SAMD4A: variants seen among roughly 807,000 people sequenced by gnomAD.
The protein encoded by SAMD4A is protein Smaug homolog 1.
SAMD4A carries 33 observed loss-of-function variants against 81.3 expected under a neutral mutation model. The observed-to-expected ratio is 0.41, with a 90% CI of 0.31 to 0.54. The LOEUF is 0.54. SAMD4A is among the 20% of genes least tolerant of loss of function. The pLI is 0.37. For missense variants in SAMD4A, 854 were observed against 951.1 expected (o/e 0.90, Z 1.34); for synonymous variants, 389 against 382.1 (o/e 1.02, Z -0.21).
chr14:54,627,077 A>C (rs2147535), intron 2 of SAMD4A, among the ~76,000 whole-genome samples: 109,920 of 152,016 alleles, frequency 0.72, 39,937 homozygotes, highest in East Asian at 0.87. Flanking sequence ...ATTTCCTTAA[A>C]AATTCGGAAA....
chr14:54,587,519 A>T (rs1469616039), intron 2 of SAMD4A, among the ~76,000 whole-genome samples: 4 of 152,162 alleles, frequency 2.6e-5, no homozygotes, highest in Admixed American at 2.0e-4. Context: ...CTCAAGGGGA[A>T]TGCTTCAGCT....
chr14:54,586,509 A>G (rs1566533967), intron 2 of SAMD4A, among the ~76,000 whole-genome samples: 1 of 152,214 alleles, frequency 6.6e-6, no homozygotes, highest in Non-Finnish European at 1.5e-5. Context: ...ACCTAAGCCA[A>G]TATCTAGAAG....
intron 2 of SAMD4A, among the ~76,000 whole-genome samples, chr14:54,624,608 G>A (rs1318916471): frequency 1.3e-5 from 2 of 152,238 alleles, no homozygotes; most frequent in Non-Finnish European, 2.9e-5. Context: ...AGTAAATGCT[G>A]TCTCCTCTCT....
At chr14:54,646,036 T>C (rs2035280096) in intron 2 of SAMD4A, among the ~76,000 whole-genome samples, 3 of 152,374 alleles carry the variant, frequency 2.0e-5, no homozygotes, top group African/African-American at 7.2e-5. Context: ...TCAATAACTC[T>C]TCCTATGGAG....
At chr14:54,636,638 C>T (rs557505426) in intron 2 of SAMD4A, among the ~76,000 whole-genome samples, 21 of 152,222 alleles carry the variant, frequency 1.4e-4, no homozygotes, top group Non-Finnish European at 2.6e-4. Context: ...AGTGGTCGTG[C>T]TCTGAATATA....
In SAMD4A at chr14:54,607,750, G is replaced by A. The variant is rs190263411; in HGVS notation, c.196+39638G>A. ...ATTACAGGCGTGAGCCACCGCGCCC[G>A]GCCTCAAGGTCTTATTTTAATGGCT... On this transcript the variant is annotated intron_variant, in intron 2 of 12. Coordinates refer to ENST00000554335, the MANE Select transcript of SAMD4A (RefSeq NM_015589.6). 4.7e-3 allele frequency among the ~76,000 whole-genome samples: 719 copies of A among 152,100 alleles called. 7 individuals are homozygous for A. The highest frequency in any genetic ancestry group is 0.01 in the Middle Eastern group (3 of 294).
intron 2 of SAMD4A, among the ~76,000 whole-genome samples, chr14:54,581,487 G>T (rs922738420): frequency 2.0e-5 from 3 of 152,240 alleles, no homozygotes; most frequent in African/African-American, 7.2e-5. Context: ...CCACAGGCTG[G>T]ACTGTCTATA....
Position 54,736,580 on chromosome 14 carries a change from G to A in SAMD4A, c.716-444G>A, listed in dbSNP as rs571559123. 7.9e-5 allele frequency among the ~76,000 whole-genome samples: 12 copies of A among 152,354 alleles called. No homozygotes were observed. The South Asian group carries it at 2.5e-3, about 32-fold the overall frequency. Reference sequence around the variant, plus strand: ...AATGGCCAGCCCGGCTGCCCTTCAAGATGTCCTCCTGAACAACATGGGTAA... The same window carrying A: ...AATGGCCAGCCCGGCTGCCCTTCAAAATGTCCTCCTGAACAACATGGGTAA... On this transcript the variant is annotated intron_variant, in intron 3 of 12. Coordinates refer to ENST00000554335, the MANE Select transcript of SAMD4A (RefSeq NM_015589.6).
chr14:54,692,564 G>C (rs149139988), intron 2 of SAMD4A, among the ~76,000 whole-genome samples: 1 of 152,300 alleles, frequency 6.6e-6, no homozygotes, highest in Admixed American at 6.5e-5. Context: ...TCCTTTGCAA[G>C]GTCAGCATGA....
At position 54,698,439 on chromosome 14, in the gene SAMD4A, T is replaced by C. The variant is rs548356360; in HGVS notation, c.197-3623T>C. 1.3e-4 allele frequency among the ~76,000 whole-genome samples: 20 copies of C among 152,330 alleles called. 1 individual carries two copies. The East Asian group carries it at 3.9e-3, about 29-fold the overall frequency. The stretch of plus-strand genomic sequence containing the variant: ...GCCTACCTCCATTCTGCCACTTCAC[T>C]AGCAGGGGGCTGGGGGCAAGTAACT... On this transcript the variant is annotated intron_variant, in intron 2 of 12. Transcript: ENST00000554335.
At chr14:54,605,608 C>T (rs1185972380) in intron 2 of SAMD4A, among the ~76,000 whole-genome samples, 4 of 152,078 alleles carry the variant, frequency 2.6e-5, no homozygotes, top group African/African-American at 4.8e-5. Flanking sequence ...TGTCAAAATG[C>T]CCATCCTGCT....
chr14:54,710,094 T>C (rs567470525), intron 3 of SAMD4A, among the ~76,000 whole-genome samples: 3 of 152,328 alleles, frequency 2.0e-5, no homozygotes, highest in African/African-American at 7.2e-5. Context: ...GAAAGCATGC[T>C]GGCCTTTGTT....
chr14:54,759,481 C>T (rs913418773), intron 6 of SAMD4A, among the ~76,000 whole-genome samples: 2 of 152,210 alleles, frequency 1.3e-5, no homozygotes, highest in African/African-American at 2.4e-5. Flanking sequence ...GGAGCTTCCC[C>T]TCATAGCAGC....
At chr14:54,748,487 A>G (rs1198310476) in intron 4 of SAMD4A, among the ~76,000 whole-genome samples, 2 of 152,144 alleles carry the variant, frequency 1.3e-5, no homozygotes, top group Non-Finnish European at 2.9e-5. Context: ...GAAGCTATGG[A>G]TGGCCCTCTG....
At chr14:54,621,454 A>G (rs1261490089) in intron 2 of SAMD4A, among the ~76,000 whole-genome samples, 1 of 151,776 alleles carries the variant, frequency 6.6e-6, no homozygotes, top group Non-Finnish European at 1.5e-5. Context: ...GGCTGAAGTG[A>G]TTCTCCCACC....
At chr14:54,717,214 G>A (rs997678079) in intron 3 of SAMD4A, among the ~76,000 whole-genome samples, 6 of 152,092 alleles carry the variant, frequency 3.9e-5, no homozygotes, top group African/African-American at 1.4e-4. Flanking sequence ...GCCGAGCGGG[G>A]AGGATTGCCT....
intron 3 of SAMD4A, among the ~76,000 whole-genome samples, chr14:54,725,332 A>G (rs1034896314): frequency 6.6e-6 from 1 of 152,248 alleles, no homozygotes; most frequent in Non-Finnish European, 1.5e-5. Flanking sequence ...TAAAATACAC[A>G]TGAAATGTGG....
chr14:54,789,195 A>T lies in SAMD4A; in HGVS notation c.*251A>T. On this transcript the variant is annotated 3_prime_UTR_variant, in exon 13 of 13. Transcript: ENST00000554335. ...GTGTGTGGGGTGGGGAGGGGTCTCT[A>T]GGGAATTATGAGACTGGGAGGGGGG... 247 of 331,568 alleles carry T rather than the reference A, an allele frequency of 7.4e-4. No individual in the cohort carries two copies. The highest frequency in any genetic ancestry group is 3.9e-3 in the Middle Eastern group (4 of 1,024). The allele number at this position is 331,568 out of a possible 1,614,324, so 20.5% of individuals were successfully genotyped here.
At chr14:54,764,074 G>A (rs191396401) in intron 7 of SAMD4A, among the ~76,000 whole-genome samples, 16 of 152,258 alleles carry the variant, frequency 1.1e-4, no homozygotes, top group Non-Finnish European at 4.4e-5. Context: ...ATAAAATCAC[G>A]GAGGCTGCTC....
Sources: gnomAD v4.1 joint callset for allele counts (sites outside exome capture counted in the v4.1 genomes callset) on GRCh38, gnomAD v4.1.1 for gene constraint, MANE v1.5 for transcripts, NCBI Gene and HGNC (gene_info 2026-07-23, HGNC 2026-07-21) for gene names.